Variants in SANBR observed in about 807,000 individuals in gnomAD.
SANBR encodes the protein SANT and BTB domain regulator of CSR, also known as SANT and BTB domain regulator of class switch recombination.
SANBR carries 77 observed loss-of-function variants against 101.8 expected under a neutral mutation model. The observed-to-expected ratio is 0.76, with a 90% CI of 0.63 to 0.91. The LOEUF is 0.91. Ranked by LOEUF, SANBR falls within the 40% of genes least tolerant of loss-of-function variation. The probability of loss-of-function intolerance (pLI) is 0.00; values close to 1 mark genes in which losing one functional copy is unlikely to be tolerated. For missense variants in SANBR, 875 were observed against 853.0 expected, an observed-to-expected ratio of 1.03 and a Z score of -0.32; for synonymous variants, 279 against 274.7, an observed-to-expected ratio of 1.02 and a Z score of -0.15.
At chr2:61,087,064 G>A (rs892300483) in intron 8 of SANBR, among the ~76,000 whole-genome samples, 3 of 152,060 alleles carry the variant, frequency 2.0e-5, no homozygotes, top group Non-Finnish European at 2.9e-5. Context: ...AATGCTTAAC[G>A]TTATATCTAG....
chr2:61,120,575 A>G (rs926311242), intron 20 of SANBR, among the ~76,000 whole-genome samples: 1 of 152,194 alleles, frequency 6.6e-6, no homozygotes, highest in African/African-American at 2.4e-5. Flanking sequence ...ACAAAAAATA[A>G]GAAATTAATT....
At chr2:61,109,964 T>C (rs771427847) in intron 16 of SANBR, among the ~76,000 whole-genome samples, 1 of 152,136 alleles carries the variant, frequency 6.6e-6, no homozygotes, top group Non-Finnish European at 1.5e-5. Context: ...AGAGCATGGC[T>C]ATTGTACAAC....
chr2:61,111,539 C>T (rs1473298388), intron 16 of SANBR, among the ~76,000 whole-genome samples: 1 of 152,180 alleles, frequency 6.6e-6, no homozygotes, highest in Admixed American at 6.5e-5. Flanking sequence ...GGAGAAAATT[C>T]TACAATGTTT....
intron 12 of SANBR, 131 bp from the exon 13 acceptor site, chr2:61,103,722 T>C: frequency 2.6e-6 from 2 of 766,896 alleles, no homozygotes; most frequent in Non-Finnish European, 4.2e-6. Flanking sequence ...GTATGAGGAA[T>C]GTTTTTCTTG....
In SANBR at chr2:61,110,409, A is replaced by G. The variant is rs1281839062; in HGVS notation, c.1744+1113A>G. Among the ~76,000 whole-genome samples the G allele has an allele frequency of 2.7e-5, 4 of 146,008 alleles. No individual in the cohort carries two copies. In the East Asian group the frequency reaches 8.1e-4, roughly 30 times the overall value. ...AAATACAAAAATTAGGCCGGGCACG[A>G]TGGCTCATGCCTGTAATCTCAGCAC... On this transcript the variant is annotated intron_variant, in intron 16 of 21. Transcript: ENST00000402291.
chr2:61,098,115 T>C (rs1683119292), intron 12 of SANBR, among the ~76,000 whole-genome samples: 1 of 149,778 alleles, frequency 6.7e-6, no homozygotes, highest in Non-Finnish European at 1.5e-5. Context: ...TTTTGTTTTT[T>C]TTTTTTGAGA....
At chr2:61,124,299 T>C (rs1684450448), downstream of SANBR, 2 of 938,566 alleles carry the variant, frequency 2.1e-6, no homozygotes, top group African/African-American at 3.6e-5. Context: ...GAAAGTCTCT[T>C]TATCTGAATT....
downstream of SANBR, among the ~76,000 whole-genome samples, chr2:61,125,741 T>C (rs72809491): frequency 6.6e-6 from 1 of 152,316 alleles, no homozygotes; most frequent in Non-Finnish European, 1.5e-5. Context: ...TTGGTTATGC[T>C]AAAGATCATG....
chr2:61,137,271 C>T (rs999716480), intron 21 of SANBR, among the ~76,000 whole-genome samples: 22 of 151,970 alleles, frequency 1.4e-4, no homozygotes, highest in African/African-American at 3.4e-4. Context: ...GGCAACAGAA[C>T]GAGACCCTGT....
At chr2:61,086,775 T>G (rs2104887479) in intron 8 of SANBR, among the ~76,000 whole-genome samples, 1 of 152,270 alleles carries the variant, frequency 6.6e-6, no homozygotes, top group Admixed American at 6.5e-5. Context: ...GATACTAGAT[T>G]ATGTTTATAT....
intron 5 of SANBR, among the ~76,000 whole-genome samples, chr2:61,075,841 T>A (rs1337383918): frequency 6.6e-6 from 1 of 151,968 alleles, no homozygotes; most frequent in Non-Finnish European, 1.5e-5. Context: ...TTTTCCTTTT[T>A]AAAAAAATCT....
In SANBR at chr2:61,095,651, C is replaced by T. The variant is rs555411867; in HGVS notation, c.1213-2049C>T. ...TTTAACCTGTTCTCGCTCAGAGTCC[C>T]TCTCCTCCCCGACAGGACCCTATTC... On this transcript the variant is annotated intron_variant, in intron 11 of 21. Coordinates refer to ENST00000402291, the MANE Select transcript of SANBR (RefSeq NM_001129993.3). Among the ~76,000 whole-genome samples the T allele has an allele frequency of 2.6e-5, 4 of 152,208 alleles. No individual in the cohort carries two copies. In the South Asian group the frequency reaches 6.2e-4, roughly 24 times the overall value.
chr2:61,092,477 GA>G lies in SANBR; in HGVS notation c.1103del (p.Asp368ValfsTer6). 1 of 1,584,116 alleles carries G rather than the reference GA, an allele frequency of 6.3e-7. No homozygotes were observed. Among genetic ancestry groups the G allele is most frequent in the Non-Finnish European group, 8.6e-7 (1 of 1,167,070 alleles). On this transcript the variant is annotated frameshift_variant, in exon 11 of 22. Transcript: ENST00000402291. LOFTEE classifies it high-confidence loss of function. Reference protein sequence around the residue: ...VYIHIRDKTWDVHEYLNSLFE... With the variant: ...VYIHIRDKTWXVHEYLNSLFE... ...CTCTTTCTCCAGAGATAAGACATGG[GA>G]TGTTCATGAGTATTTGAATAGTCTT...
At chr2:61,071,924 T>A in intron 4 of SANBR, 132 bp downstream of exon 4, 1 of 603,606 alleles carries the variant, frequency 1.7e-6, no homozygotes, top group Non-Finnish European at 2.8e-6. Flanking sequence ...TTCATATTTG[T>A]ATCTTCCTGA....
chr2:61,122,672 A>G lies in SANBR; in HGVS notation c.*510A>G, dbSNP rs150390047. 6.5e-3 allele frequency: 6,408 copies of G among 986,110 alleles called. 34 individuals are homozygous for G. Among genetic ancestry groups the G allele is most frequent in the Non-Finnish European group, 7.3e-3 (6,047 of 830,336 alleles). 61.1% of individuals were successfully genotyped at this position (986,110 alleles called of 1,614,324 possible). A position where few individuals can be genotyped will look rare whatever the true frequency, so the allele number is the denominator to read the frequency against. ...TGAATATTAAGGAGTGACAGGTCTCAAGACTGCATTAAATGAAGTTTCAGG... is the reference window on the plus strand; with the variant it reads ...TGAATATTAAGGAGTGACAGGTCTCGAGACTGCATTAAATGAAGTTTCAGG... On this transcript the variant is annotated 3_prime_UTR_variant, in exon 22 of 22. Transcript: ENST00000402291.
At chr2:61,121,421 A>C (rs1684326509) in intron 21 of SANBR, 145 bp downstream of exon 21, 1 of 508,908 alleles carries the variant, frequency 2.0e-6, no homozygotes, top group Non-Finnish European at 3.6e-6. Flanking sequence ...GGCACTAATT[A>C]GAAACAGATT....
chr2:61,070,285 T>C (rs968790465), intron 2 of SANBR, 57 bp from the exon 3 acceptor site: 21 of 1,303,662 alleles, frequency 1.6e-5, no homozygotes, highest in Non-Finnish European at 2.2e-5. Context: ...TCTGTAATGT[T>C]CTGAAAACAT....
intron 6 of SANBR, among the ~76,000 whole-genome samples, chr2:61,080,967 A>G (rs1385580389): frequency 1.6e-4 from 25 of 152,120 alleles, no homozygotes; most frequent in Non-Finnish European, 2.9e-5. Flanking sequence ...AAGCTCACTC[A>G]TTATGCCTTT....
intron 16 of SANBR, among the ~76,000 whole-genome samples, chr2:61,113,857 A>G (rs929464701): frequency 1.3e-5 from 2 of 152,174 alleles, no homozygotes; most frequent in Non-Finnish European, 2.9e-5. Context: ...ATCGTTAAGT[A>G]TGTAATGTCA....
Sources: allele counts gnomAD v4.1 joint callset (sites outside exome capture counted in the v4.1 genomes callset), GRCh38; gene constraint gnomAD v4.1.1; transcripts MANE v1.5; gene names NCBI Gene and HGNC (gene_info 2026-07-23, HGNC 2026-07-21).